SLC24A3: variants seen among roughly 807,000 people sequenced by gnomAD.
The protein encoded by SLC24A3 is sodium/potassium/calcium exchanger 3.
SLC24A3 carries 28 observed loss-of-function variants against 75.8 expected under a neutral mutation model. That is an observed-to-expected ratio of 0.37 (90% confidence interval 0.27 to 0.51). The LOEUF (loss-of-function observed/expected upper bound fraction) is 0.51. Ranked by LOEUF, SLC24A3 falls within the 20% of genes least tolerant of loss-of-function variation. The pLI, the probability that SLC24A3 is intolerant of heterozygous loss-of-function variation, is 0.94. For synonymous variants in SLC24A3, 372 were observed against 334.1 expected (o/e 1.11, Z -1.24); for missense variants, 663 against 847.8 (o/e 0.78, Z 2.71).
In SLC24A3 at chr20:19,718,931, G is replaced by A. The variant is rs1268424909; in HGVS notation, c.1785+1338G>A. 3.9e-5 allele frequency among the ~76,000 whole-genome samples: 6 copies of A among 152,132 alleles called. No individual in the cohort carries two copies. The East Asian group carries it at 9.6e-4, about 24-fold the overall frequency. The stretch of plus-strand genomic sequence containing the variant: ...ATGAGTGTACACAAAAGAGAGAAGA[G>A]CCCCAAGATCTCAGTGTTGAGGCAG... On this transcript the variant is annotated intron_variant, in intron 16 of 16. Coordinates refer to ENST00000328041, the MANE Select transcript of SLC24A3 (RefSeq NM_020689.4).
chr20:19,541,087 T>C (rs918165549), intron 3 of SLC24A3, among the ~76,000 whole-genome samples: 1 of 152,230 alleles, frequency 6.6e-6, no homozygotes, highest in African/African-American at 2.4e-5. Context: ...TGTGTTCTTC[T>C]GATTTAAAAG....
intron 1 of SLC24A3, among the ~76,000 whole-genome samples, chr20:19,239,175 G>A (rs547245722): frequency 1.3e-5 from 2 of 150,880 alleles, no homozygotes; most frequent in Admixed American, 6.6e-5. Flanking sequence ...CAAAATTACT[G>A]TGTCTTGGGC....
intron 2 of SLC24A3, among the ~76,000 whole-genome samples, chr20:19,500,273 C>G (rs1447848438): frequency 6.6e-6 from 1 of 152,102 alleles, no homozygotes; most frequent in African/African-American, 2.4e-5. Context: ...CTCTCCAGTC[C>G]CCCAACTGTG....
chr20:19,632,110 T>C (rs2031941500), intron 6 of SLC24A3, among the ~76,000 whole-genome samples: 1 of 152,158 alleles, frequency 6.6e-6, no homozygotes, highest in Non-Finnish European at 1.5e-5. Flanking sequence ...AGCAAACCTT[T>C]CTTCTCTCAG....
chr20:19,238,860 T>C lies in SLC24A3; in HGVS notation c.142+25876T>C, dbSNP rs573063577. Among the ~76,000 whole-genome samples the C allele has an allele frequency of 3.3e-5, 5 of 152,218 alleles. No homozygotes were observed. The South Asian group carries it at 6.2e-4, about 19-fold the overall frequency. ...ACGACAATGATCATCAGTATTACTA[T>C]TGATCTTTCTCCTCCTCCTGTCCTT... On this transcript the variant is annotated intron_variant, in intron 1 of 16. Coordinates refer to ENST00000328041, the MANE Select transcript of SLC24A3 (RefSeq NM_020689.4).
chr20:19,277,934 T>G (rs533506100), intron 1 of SLC24A3, among the ~76,000 whole-genome samples: 3 of 152,332 alleles, frequency 2.0e-5, no homozygotes, highest in South Asian at 4.1e-4. Flanking sequence ...GCATTTCTCC[T>G]TGACCCAGAG....
intron 3 of SLC24A3, among the ~76,000 whole-genome samples, chr20:19,534,788 A>T (rs1367375276): frequency 6.6e-6 from 1 of 152,220 alleles, no homozygotes; most frequent in African/African-American, 2.4e-5. Flanking sequence ...TAGCAAGTGT[A>T]TAAGGTACAG....
intron 2 of SLC24A3, among the ~76,000 whole-genome samples, chr20:19,485,920 T>G (rs1177917062): frequency 6.6e-6 from 1 of 152,246 alleles, no homozygotes; most frequent in Non-Finnish European, 1.5e-5. Context: ...CTTCCATTTC[T>G]GGGGTTAGCC....
chr20:19,594,760 A>T (rs6081672), intron 6 of SLC24A3, among the ~76,000 whole-genome samples: 10,207 of 152,196 alleles, frequency 0.067, 407 homozygotes, highest in Middle Eastern at 0.11. Flanking sequence ...GGATAGTGGG[A>T]TAGTGAGATA....
At chr20:19,604,009 G>T (rs928417151) in intron 6 of SLC24A3, among the ~76,000 whole-genome samples, 3 of 152,176 alleles carry the variant, frequency 2.0e-5, no homozygotes, top group Admixed American at 2.0e-4. Flanking sequence ...CAATCCCCGG[G>T]CAGCACAGTG....
intron 2 of SLC24A3, among the ~76,000 whole-genome samples, chr20:19,314,888 A>T (rs938361506): frequency 2.6e-5 from 4 of 152,180 alleles, no homozygotes; most frequent in African/African-American, 9.6e-5. Flanking sequence ...CAGATGTGTG[A>T]TTTACACATG....
chr20:19,339,122 G>A (rs1985207197), intron 2 of SLC24A3, among the ~76,000 whole-genome samples: 1 of 51,424 alleles, frequency 1.9e-5, no homozygotes, highest in South Asian at 5.9e-4. Flanking sequence ...GCCTGACTCT[G>A]TTTGTAATTA....
intron 2 of SLC24A3, among the ~76,000 whole-genome samples, chr20:19,290,027 C>G (rs1049462112): frequency 2.6e-5 from 4 of 152,142 alleles, no homozygotes; most frequent in African/African-American, 7.2e-5. Flanking sequence ...TTTAAGCGCT[C>G]TCAGATGTCT....
intron 1 of SLC24A3, among the ~76,000 whole-genome samples, chr20:19,275,154 T>G (rs979894851): frequency 6.6e-6 from 1 of 152,144 alleles, no homozygotes; most frequent in Non-Finnish European, 1.5e-5. Flanking sequence ...GGAGAGTTAA[T>G]ACGTCCTCTC....
chr20:19,714,405 T>TAAAA (rs1176209950), intron 15 of SLC24A3, among the ~76,000 whole-genome samples: 2 of 50,760 alleles, frequency 3.9e-5, no homozygotes, highest in Non-Finnish European at 7.4e-5. Context: ...ACCCAGTCTC[T>TAAAA]AAAAAAAAAA....
At chr20:19,347,745 G>C (rs1024210973) in intron 2 of SLC24A3, among the ~76,000 whole-genome samples, 1 of 152,190 alleles carries the variant, frequency 6.6e-6, no homozygotes, top group Non-Finnish European at 1.5e-5. Context: ...TGGTGTAGTG[G>C]AAGGCCACAG....
At chr20:19,614,858 A>G (rs1484015998) in intron 6 of SLC24A3, among the ~76,000 whole-genome samples, 2 of 152,206 alleles carry the variant, frequency 1.3e-5, no homozygotes, top group African/African-American at 4.8e-5. Context: ...AGGAAGATGA[A>G]TGATCCACTG....
intron 2 of SLC24A3, among the ~76,000 whole-genome samples, chr20:19,342,571 T>G (rs934868929): frequency 6.6e-6 from 1 of 152,252 alleles, no homozygotes; most frequent in Non-Finnish European, 1.5e-5. Flanking sequence ...ATGACAACTG[T>G]TTTAGGTGCA....
chr20:19,418,781 A>G (rs907421280), intron 2 of SLC24A3, among the ~76,000 whole-genome samples: 1 of 152,172 alleles, frequency 6.6e-6, no homozygotes, highest in Admixed American at 6.5e-5. Context: ...AATGCACAAG[A>G]TGGAACATTA....
Sources: allele counts gnomAD v4.1 joint callset (sites outside exome capture counted in the v4.1 genomes callset), GRCh38; gene constraint gnomAD v4.1.1; transcripts MANE v1.5; gene names NCBI Gene and HGNC (gene_info 2026-07-23, HGNC 2026-07-21).